Variants in SUCLA2 observed in about 807,000 individuals in gnomAD.
The protein encoded by SUCLA2 is succinate--CoA ligase [ADP-forming] subunit beta, mitochondrial.
A neutral mutation model predicts 54.8 loss-of-function variants in SUCLA2; 30 were observed. The ratio of observed to expected loss-of-function variants is 0.55; its 90% CI spans 0.41 to 0.74. SUCLA2 has a LOEUF of 0.74. Ranked by LOEUF, SUCLA2 falls within the 30% of genes least tolerant of loss-of-function variation. The probability of loss-of-function intolerance (pLI) is 0.00; values close to 1 mark genes in which losing one functional copy is unlikely to be tolerated. For synonymous variants in SUCLA2, 172 were observed against 188.9 expected (o/e 0.91, Z 0.74); for missense variants, 476 against 562.9 (o/e 0.85, Z 1.56).
intron 8 of SUCLA2, among the ~76,000 whole-genome samples, chr13:47,953,732 A>G (rs1949794603): frequency 6.6e-6 from 1 of 152,184 alleles, no homozygotes. Context: ...AAATCCAGTA[A>G]GAATAGTTCC....
chr13:47,947,386 C>T (rs1361005848), intron 10 of SUCLA2, among the ~76,000 whole-genome samples: 3 of 151,862 alleles, frequency 2.0e-5, no homozygotes, highest in Non-Finnish European at 1.5e-5. Flanking sequence ...ATAGAACAAA[C>T]ATTATTTTGA....
At chr13:47,981,726 G>C (rs576174338) in intron 4 of SUCLA2, among the ~76,000 whole-genome samples, 18 of 152,362 alleles carry the variant, frequency 1.2e-4, no homozygotes, top group African/African-American at 3.8e-4. Flanking sequence ...TGAGGCAGAA[G>C]AATCACTTGA....
At chr13:47,972,047 T>C (rs1352785298) in intron 5 of SUCLA2, 1 of 389,912 alleles carries the variant, frequency 2.6e-6, no homozygotes. Flanking sequence ...TGTCAGGAGT[T>C]CAAGACCAGC....
chr13:47,971,703 T>C (rs1314972847), intron 5 of SUCLA2: 1 of 390,046 alleles, frequency 2.6e-6, no homozygotes, highest in African/African-American at 2.1e-5. Context: ...AAATCATTCA[T>C]AAACCACAGC....
intron 4 of SUCLA2, among the ~76,000 whole-genome samples, chr13:47,979,737 C>T (rs1276080797): frequency 1.3e-5 from 2 of 152,174 alleles, no homozygotes; most frequent in Non-Finnish European, 2.9e-5. Context: ...AGGATGCCCA[C>T]TCTTGCCGCT....
chr13:47,943,307 G>A lies in SUCLA2; in HGVS notation c.*64C>T. On this transcript the variant is annotated 3_prime_UTR_variant, in exon 11 of 11. Coordinates refer to ENST00000646932, the MANE Select transcript of SUCLA2 (RefSeq NM_003850.3). ...TAAAAAGAAAAAGAACAATAACACA[G>A]AACACAGTATTCTTAATGATTATAG... 6.8e-7 allele frequency: 1 copy of A among 1,465,292 alleles called. No homozygotes were observed. Among genetic ancestry groups the A allele is most frequent in the Non-Finnish European group, 9.6e-7 (1 of 1,045,650 alleles). The allele number at this position is 1,465,292 out of a possible 1,614,324, so 90.8% of individuals were successfully genotyped here. A position where few individuals can be genotyped will look rare whatever the true frequency, so the allele number is the denominator to read the frequency against.
chr13:47,962,885 T>G (rs1251098279), intron 6 of SUCLA2, among the ~76,000 whole-genome samples: 1 of 152,194 alleles, frequency 6.6e-6, no homozygotes, highest in Non-Finnish European at 1.5e-5. Flanking sequence ...GAAGGGACCT[T>G]GGGACCTCTC....
At chr13:47,992,003 A>G (rs929574497) in intron 2 of SUCLA2, among the ~76,000 whole-genome samples, 1 of 152,146 alleles carries the variant, frequency 6.6e-6, no homozygotes, top group Admixed American at 6.6e-5. Flanking sequence ...TTGTGCCCAA[A>G]CGGAAGGGAG....
rs114116515 is a variant in SUCLA2, at chr13:47,996,405, T to C, written c.271+438A>G. Reference sequence around the variant, plus strand: ...TAGCACTCTACTTTTTGTTCCCCTTTGGTTCCATATTTTTCATGACAAAAA... The same window carrying C: ...TAGCACTCTACTTTTTGTTCCCCTTCGGTTCCATATTTTTCATGACAAAAA... On this transcript the variant is annotated intron_variant, in intron 2 of 10. Coordinates refer to ENST00000646932, the MANE Select transcript of SUCLA2 (RefSeq NM_003850.3). Among the ~76,000 whole-genome samples the C allele has an allele frequency of 3.3e-3, 505 of 151,894 alleles. 2 individuals carry two copies. Among genetic ancestry groups the C allele is most frequent in the African/African-American group, 0.012 (482 of 41,430 alleles).
chr13:47,989,138 A>T (rs1289864244), intron 2 of SUCLA2, among the ~76,000 whole-genome samples, 157 bp from the exon 3 acceptor site: 3 of 152,198 alleles, frequency 2.0e-5, no homozygotes, highest in Admixed American at 1.3e-4. Context: ...TAGATTTTCT[A>T]GATTAGAACA....
rs1950228849 is a variant in SUCLA2, at chr13:48,001,198, G to C, written c.72C>G (p.Ala24=). ...GCATTACCTGAGCAGCAGCCCGCTG[G>C]GCCGTCCGAGGCCGGTGGTTCCGAA... ...ATLRNHRPRT[A]QRAAAQVLGS... is the part of the protein sequence containing the mutation. Residue 24 remains alanine (A), a synonymous_variant, in exon 1 of 11, where the codon GCC becomes GCG. Transcript: ENST00000646932. 1.9e-6 allele frequency: 3 copies of C among 1,609,452 alleles called. No homozygotes were observed. In the South Asian group the frequency reaches 3.3e-5, roughly 18 times the overall value.
chr13:47,975,570 TTAAAA>T (rs1950005248), intron 4 of SUCLA2, among the ~76,000 whole-genome samples: 2 of 135,808 alleles, frequency 1.5e-5, no homozygotes, highest in South Asian at 2.5e-4. Context: ...CTTCAAATAC[TTAAAA>T]TAAGGCAATA....
chr13:47,959,693 G>C (rs28794608), intron 6 of SUCLA2, among the ~76,000 whole-genome samples: 16,912 of 152,166 alleles, frequency 0.11, 1,361 homozygotes, highest in African/African-American at 0.23. Context: ...TGCACAAAAA[G>C]AGAAAACAGA....
At chr13:47,998,137 C>A (rs1289419936) in intron 1 of SUCLA2, among the ~76,000 whole-genome samples, 4 of 152,038 alleles carry the variant, frequency 2.6e-5, no homozygotes, top group Non-Finnish European at 4.4e-5. Context: ...CCAAGCTGGG[C>A]ACAGTGGCTT....
At chr13:47,982,012 T>C (rs1286857036) in intron 4 of SUCLA2, among the ~76,000 whole-genome samples, 1 of 152,078 alleles carries the variant, frequency 6.6e-6, no homozygotes, top group Non-Finnish European at 1.5e-5. Context: ...AATAAAACGG[T>C]ACAGCTGCTA....
In SUCLA2 at chr13:47,949,355, TA is replaced by T; in HGVS notation, c.1228+127del. On this transcript the variant is annotated intron_variant, in intron 9 of 10. Transcript: ENST00000646932. ...TAAAATGTTTTAAAAACTATAGTTT[TA>T]ATTTCATATTGTATAATGCTTTCAA... 6.9e-6 allele frequency: 8 copies of T among 1,154,496 alleles called. No individual in the cohort carries two copies. In the South Asian group the frequency reaches 1.1e-4, roughly 15 times the overall value. 71.5% of individuals were successfully genotyped at this position (1,154,496 alleles called of 1,614,324 possible).
chr13:47,943,766 G>GTGTGTGTGTGTATATATATATATA (rs1300486540), intron 10 of SUCLA2, among the ~76,000 whole-genome samples: 1 of 139,672 alleles, frequency 7.2e-6, no homozygotes, highest in African/African-American at 2.7e-5. Flanking sequence ...GTGTGTGTGT[G>GTGTGTGTGTGTATATATATATATA]TATATATATA....
At chr13:47,949,156 T>A in intron 9 of SUCLA2, 128 bp from the exon 10 acceptor site, 1 of 952,960 alleles carries the variant, frequency 1.0e-6, no homozygotes, top group South Asian at 1.4e-5. Flanking sequence ...GTATAAACAC[T>A]TCTAAACCAA....
intron 2 of SUCLA2, chr13:47,991,453 C>T (rs2137746824): frequency 6.6e-6 from 1 of 152,316 alleles, no homozygotes; most frequent in African/African-American, 2.4e-5. Context: ...CTCATGTTGC[C>T]CATGAAGCTT....
Sources: allele counts gnomAD v4.1 joint callset (sites outside exome capture counted in the v4.1 genomes callset), GRCh38; gene constraint gnomAD v4.1.1; transcripts MANE v1.5; gene names NCBI Gene and HGNC (gene_info 2026-07-23, HGNC 2026-07-21).